PLPPR1: variants seen among roughly 807,000 people sequenced by gnomAD.
PLPPR1 encodes the protein phospholipid phosphatase related 1.
PLPPR1 carries 10 observed loss-of-function variants against 33.1 expected under a neutral mutation model. The ratio of observed to expected loss-of-function variants is 0.30; its 90% CI spans 0.19 to 0.51. The LOEUF is 0.51. Ranked by LOEUF, PLPPR1 falls within the 20% of genes least tolerant of loss-of-function variation. The pLI, the probability that PLPPR1 is intolerant of heterozygous loss-of-function variation, is 0.97. For synonymous variants in PLPPR1, 151 were observed against 151.0 expected, an observed-to-expected ratio of 1.00 and a Z score of 0.00; for missense variants, 304 against 408.1, an observed-to-expected ratio of 0.74 and a Z score of 2.20.
chr9:101,118,838 A>G (rs1240274043), intron 1 of PLPPR1, among the ~76,000 whole-genome samples: 1 of 149,878 alleles, frequency 6.7e-6, no homozygotes, highest in Non-Finnish European at 1.5e-5. Flanking sequence ...TCTCCTTCCA[A>G]CTGTGAAATT....
intron 1 of PLPPR1, among the ~76,000 whole-genome samples, chr9:101,176,719 C>T (rs909341864): frequency 2.1e-4 from 32 of 152,222 alleles, no homozygotes; most frequent in South Asian, 8.3e-4. Flanking sequence ...AGTGACATTC[C>T]GCCTCTACCC....
intron 1 of PLPPR1, among the ~76,000 whole-genome samples, chr9:101,060,053 G>C (rs1214454651): frequency 3.9e-5 from 6 of 152,010 alleles, no homozygotes; most frequent in Admixed American, 3.9e-4. Context: ...CAATAGCTAA[G>C]ATATGGAATC....
At position 101,177,754 on chromosome 9, in the gene PLPPR1, C is replaced by T. The variant is rs1826039472; in HGVS notation, c.-45-7696C>T. 2.1e-5 allele frequency among the ~76,000 whole-genome samples: 3 copies of T among 144,110 alleles called. No homozygotes were observed. The South Asian group carries it at 6.4e-4, about 31-fold the overall frequency. The allele number at this position is 144,110 out of a possible 152,430, so 94.5% of individuals were successfully genotyped here. ...CATCCATATTTCTTCTTTAAATTGA[C>T]TATACCCATTTTTTCTATTAGGTTG... is the stretch of plus-strand genomic sequence containing the variant. On this transcript the variant is annotated intron_variant, in intron 1 of 7. Coordinates refer to ENST00000374874, the MANE Select transcript of PLPPR1 (RefSeq NM_207299.2).
intron 1 of PLPPR1, among the ~76,000 whole-genome samples, chr9:101,148,648 T>C (rs752286234): frequency 1.3e-5 from 2 of 152,168 alleles, no homozygotes; most frequent in Non-Finnish European, 2.9e-5. Flanking sequence ...TGCCAGATTA[T>C]TCTTACCCAA....
intron 1 of PLPPR1, among the ~76,000 whole-genome samples, chr9:101,065,330 A>G (rs575859051): frequency 6.6e-6 from 1 of 152,202 alleles, no homozygotes; most frequent in South Asian, 2.1e-4. Flanking sequence ...ATGTCATATT[A>G]TGAGAACCCT....
At chr9:101,034,051 A>T (rs1018578940) in intron 1 of PLPPR1, among the ~76,000 whole-genome samples, 1 of 16,072 alleles carries the variant, frequency 6.2e-5, no homozygotes. Flanking sequence ...AATGGGAGGA[A>T]AAAAAAAACG....
At chr9:101,234,601 T>G (rs550629118) in intron 2 of PLPPR1, among the ~76,000 whole-genome samples, 1 of 151,762 alleles carries the variant, frequency 6.6e-6, no homozygotes, top group African/African-American at 2.4e-5. Context: ...AGGGCTTAAG[T>G]TGAGATATAT....
chr9:101,238,292 C>T (rs1444345475), intron 2 of PLPPR1, among the ~76,000 whole-genome samples: 1 of 124,044 alleles, frequency 8.1e-6, no homozygotes, highest in African/African-American at 3.0e-5. Flanking sequence ...ATATACATAC[C>T]CTATATATAT....
chr9:101,324,262 A>G lies in PLPPR1; in HGVS notation c.*205A>G. The stretch of plus-strand genomic sequence containing the variant: ...TTTTTTGGTCAGCTTTAATATATTT[A>G]TGCCAGAATTTTAAAACCAACAAAA... On this transcript the variant is annotated 3_prime_UTR_variant, in exon 8 of 8. Transcript: ENST00000374874. 1 of 383,782 alleles carries G rather than the reference A, an allele frequency of 2.6e-6. No homozygotes were observed. Among genetic ancestry groups the G allele is most frequent in the Non-Finnish European group, 4.4e-6 (1 of 225,372 alleles). 23.8% of individuals were successfully genotyped at this position (383,782 alleles called of 1,614,324 possible).
chr9:101,275,654 T>C (rs1828176888), intron 3 of PLPPR1, among the ~76,000 whole-genome samples: 1 of 152,190 alleles, frequency 6.6e-6, no homozygotes, highest in African/African-American at 2.4e-5. Flanking sequence ...GAGAGCCTGT[T>C]TGGATAAGAG....
Position 101,029,073 on chromosome 9 carries a change from G to C in PLPPR1, c.-75G>C, listed in dbSNP as rs1829906200. On this transcript the variant is annotated 5_prime_UTR_variant, in exon 1 of 8. Transcript: ENST00000374874. ...TCCCGGGAGCCGGACGGCCCAGTAG[G>C]GCGCACTGGAGGACGCTCCGCTGCG... is the stretch of plus-strand genomic sequence containing the variant. 6.5e-6 allele frequency: 1 copy of C among 152,836 alleles called. No homozygotes were observed. The highest frequency in any genetic ancestry group is 1.5e-5 in the Non-Finnish European group (1 of 68,306). 9.5% of individuals were successfully genotyped at this position (152,836 alleles called of 1,614,324 possible). A position where few individuals can be genotyped will look rare whatever the true frequency, so the allele number is the denominator to read the frequency against.
At chr9:101,316,603 G>C (rs1260505450) in intron 6 of PLPPR1, among the ~76,000 whole-genome samples, 1 of 85,368 alleles carries the variant, frequency 1.2e-5, no homozygotes, top group East Asian at 3.0e-4. Context: ...GGAAAAGGAG[G>C]GTTCTTCTTG....
chr9:101,250,669 C>T (rs1381485989), intron 2 of PLPPR1, among the ~76,000 whole-genome samples: 1 of 152,010 alleles, frequency 6.6e-6, no homozygotes, highest in Non-Finnish European at 1.5e-5. Context: ...TACCACTAAC[C>T]CTGCCTCCTT....
intron 1 of PLPPR1, among the ~76,000 whole-genome samples, chr9:101,050,256 A>G (rs1446871214): frequency 6.6e-6 from 1 of 152,140 alleles, no homozygotes; most frequent in Non-Finnish European, 1.5e-5. Context: ...GTGAGTTCCA[A>G]ATTGATTTGA....
At chr9:101,268,225 C>T (rs535986837) in intron 2 of PLPPR1, among the ~76,000 whole-genome samples, 24 of 149,994 alleles carry the variant, frequency 1.6e-4, no homozygotes, top group African/African-American at 5.2e-4. Flanking sequence ...ACATTGTGCA[C>T]ATGTACCCTA....
chr9:101,293,738 A>T (rs2118928382), intron 4 of PLPPR1, among the ~76,000 whole-genome samples: 1 of 152,258 alleles, frequency 6.6e-6, no homozygotes, highest in East Asian at 1.9e-4. Flanking sequence ...AGAAATAAAG[A>T]TGTTCTTTGA....
At chr9:101,101,046 A>T (rs1016384565) in intron 1 of PLPPR1, among the ~76,000 whole-genome samples, 3 of 152,144 alleles carry the variant, frequency 2.0e-5, no homozygotes, top group African/African-American at 7.2e-5. Flanking sequence ...CATTCCTGTT[A>T]GTGTCTTGTT....
At chr9:101,223,613 C>T (rs1826999623) in intron 2 of PLPPR1, among the ~76,000 whole-genome samples, 2 of 152,040 alleles carry the variant, frequency 1.3e-5, no homozygotes, top group African/African-American at 4.8e-5. Context: ...CCATGCTGTT[C>T]TCATGGTAGT....
chr9:101,204,007 T>G (rs1448863207), intron 2 of PLPPR1, among the ~76,000 whole-genome samples: 1 of 152,178 alleles, frequency 6.6e-6, no homozygotes, highest in Non-Finnish European at 1.5e-5. Context: ...GTGGAAACTT[T>G]GTGTGGATGT....
Sources: allele counts gnomAD v4.1 joint callset (sites outside exome capture counted in the v4.1 genomes callset), GRCh38; gene constraint gnomAD v4.1.1; transcripts MANE v1.5; gene names NCBI Gene and HGNC (gene_info 2026-07-23, HGNC 2026-07-21).